Variants in HTT observed in about 807,000 individuals in gnomAD.
HTT encodes the protein huntington disease protein.
In HTT, 104 loss-of-function variants were observed where a neutral mutation model predicts 362.3. The ratio of observed to expected loss-of-function variants is 0.29; its 90% confidence interval spans 0.24 to 0.34. HTT has a LOEUF of 0.34. Ranked by LOEUF, HTT falls within the 10% of genes least tolerant of loss-of-function variation. The pLI is 1.00. For missense variants in HTT, 3,301 were observed against 3,928.6 expected (o/e 0.84, Z 4.27); for synonymous variants, 1,577 against 1,548.7 (o/e 1.02, Z -0.43).
intron 56 of HTT, among the ~76,000 whole-genome samples, chr4:3,224,639 C>T (rs1720826065): frequency 3.3e-5 from 5 of 152,214 alleles, no homozygotes; most frequent in Non-Finnish European, 7.3e-5. Flanking sequence ...GAGCTTGTCA[C>T]CTGGTTTAAA....
At chr4:3,158,785 C>A (rs1717295355) in intron 28 of HTT, among the ~76,000 whole-genome samples, 1 of 152,014 alleles carries the variant, frequency 6.6e-6, no homozygotes, top group Non-Finnish European at 1.5e-5. Context: ...CATGTCAGCT[C>A]CCAAAGCAGA....
At position 3,228,520 on chromosome 4, in the gene HTT, C is replaced by T. The variant is rs962604060; in HGVS notation, c.7849-95C>T. On this transcript the variant is annotated intron_variant, in intron 57 of 66. Transcript: ENST00000355072. The surrounding 1 kb of genome is among the most constrained non-coding windows in gnomAD (Gnocchi z 4.3). ...CCTTGCTAAGGGGCAGACTGTTAGA[C>T]GGTAGGCATGTGCTGAGTCCCAGTG... 21 of 1,383,528 alleles carry T rather than the reference C, an allele frequency of 1.5e-5. No homozygotes were observed. The highest frequency in any genetic ancestry group is 1.4e-4 in the South Asian group (9 of 66,248). 85.7% of individuals were successfully genotyped at this position (1,383,528 alleles called of 1,614,324 possible). A position where few individuals can be genotyped will look rare whatever the true frequency, so the allele number is the denominator to read the frequency against.
chr4:3,100,488 G>A (rs1179166109), intron 3 of HTT, among the ~76,000 whole-genome samples: 2 of 152,132 alleles, frequency 1.3e-5, no homozygotes, highest in Admixed American at 1.3e-4. Context: ...TGGAGCCATG[G>A]GATTCTAGCT....
chr4:3,115,061 G>C (rs7440822), intron 6 of HTT, among the ~76,000 whole-genome samples: 3,720 of 152,208 alleles, frequency 0.024, 157 homozygotes, highest in African/African-American at 0.085. Context: ...ATTGCGGAGA[G>C]GACATGGATG....
Position 3,166,764 on chromosome 4 carries a change from C to G in HTT, c.3865-5556C>G, listed in dbSNP as rs537055121. ...CTGAGCCAGGCACAGGAGAGAATCT[C>G]CTGGTCTGCTGGTTGTGAAGACTGT... On this transcript the variant is annotated intron_variant, in intron 29 of 66. Coordinates refer to ENST00000355072, the MANE Select transcript of HTT (RefSeq NM_001388492.1). Among the ~76,000 whole-genome samples the G allele has an allele frequency of 4.6e-5, 7 of 152,354 alleles. No homozygotes were observed. The East Asian group carries it at 1.4e-3, about 29-fold the overall frequency.
intron 29 of HTT, among the ~76,000 whole-genome samples, chr4:3,164,444 G>A (rs184691610): frequency 5.6e-4 from 86 of 152,266 alleles, no homozygotes; most frequent in Admixed American, 1.2e-3. Context: ...TATTAGGTCC[G>A]CTTGGTCCAG....
chr4:3,151,002 G>A (rs1450575684), intron 26 of HTT, among the ~76,000 whole-genome samples: 10 of 151,720 alleles, frequency 6.6e-5, no homozygotes, highest in Admixed American at 6.6e-4. Context: ...TTGTGCCATT[G>A]CACTCCAGCC....
At chr4:3,152,489 A>G (rs1164824354) in intron 26 of HTT, among the ~76,000 whole-genome samples, 1 of 152,216 alleles carries the variant, frequency 6.6e-6, no homozygotes, top group Non-Finnish European at 1.5e-5. Flanking sequence ...TTGTACAGCC[A>G]TCACCAGAAT....
At chr4:3,156,133 G>GT (rs916481152) in intron 27 of HTT, among the ~76,000 whole-genome samples, 8 of 151,850 alleles carry the variant, frequency 5.3e-5, no homozygotes, top group Middle Eastern at 3.4e-3. Flanking sequence ...CACATTCAAG[G>GT]TTTTTTTTGA....
At chr4:3,083,337 G>A (rs1449010826) in intron 1 of HTT, among the ~76,000 whole-genome samples, 2 of 152,054 alleles carry the variant, frequency 1.3e-5, no homozygotes, top group South Asian at 4.1e-4. Flanking sequence ...CAACATAGCA[G>A]CACCTATAAG....
rs1036799091 is a variant in HTT at position 3,243,101 on chromosome 4, C to T, written c.*3042C>T. The T allele has an allele frequency of 6.6e-6, 1 of 152,608 alleles. No homozygotes were observed. The highest frequency in any genetic ancestry group is 1.5e-5 in the Non-Finnish European group (1 of 68,034). 9.5% of individuals were successfully genotyped at this position (152,608 alleles called of 1,614,324 possible). On this transcript the variant is annotated 3_prime_UTR_variant, in exon 67 of 67. Transcript: ENST00000355072. ...GAGCCCTCGGAGCCAATGAACAGCT[C>T]CTCCTCTTGGAGCTGAGATGAGCCC... is the stretch of plus-strand genomic sequence containing the variant.
chr4:3,162,937 C>T (rs1369426573), intron 29 of HTT, among the ~76,000 whole-genome samples: 11 of 152,104 alleles, frequency 7.2e-5, no homozygotes, highest in Admixed American at 2.6e-4. Flanking sequence ...TGCCTGATTG[C>T]GCTGGCCAGA....
rs759627085 is a variant in HTT at position 3,136,245 on chromosome 4, G to A, written c.2717G>A (p.Arg906Gln). ...CTAAAGCTTTTAAAACTGCAAGAAC[G>A]AGTGCTCAATAATGTTGTCATCCAT... The part of the protein sequence containing the change: ...HYTGLLKLQE[R>Q]VLNNVVIHLL... The change falls in exon 21 of 67, where the codon CGA (arginine) becomes CAA (glutamine). Residue 906 changes from arginine to glutamine, a missense_variant. By Grantham distance (43) the Arg-to-Gln change is conservative. Transcript: ENST00000355072. 1.2e-5 allele frequency: 19 copies of A among 1,609,630 alleles called. No individual in the cohort carries two copies. The highest frequency in any genetic ancestry group is 3.3e-5 in the Admixed American group (2 of 59,886).
chr4:3,235,169 C>G, intron 61 of HTT, 115 bp from the exon 62 acceptor site: 1 of 752,720 alleles, frequency 1.3e-6, no homozygotes, highest in East Asian at 2.5e-5. Context: ...GTAGGCGCTC[C>G]CGGGAGCCCG....
In HTT at chr4:3,132,848, G is replaced by A; in HGVS notation, c.2430G>A (p.Leu810=). 6.2e-7 allele frequency: 1 copy of A among 1,614,166 alleles called. No individual in the cohort carries two copies. The highest frequency in any genetic ancestry group is 1.1e-5 in the South Asian group (1 of 91,088). Residue 810 remains leucine (L), a synonymous_variant, in exon 18 of 67, where the codon TTG becomes TTA. Transcript: ENST00000355072. ...NTFSLADCIP[L]LRKTLKDESS... Reference sequence around the variant, plus strand: ...TTTCTTTGGCGGATTGCATTCCTTTGCTGCGGAAAACACTGAAGGATGAGT... The same window carrying A: ...TTTCTTTGGCGGATTGCATTCCTTTACTGCGGAAAACACTGAAGGATGAGT...
At chr4:3,148,648 A>T (rs1716728977) in intron 26 of HTT, among the ~76,000 whole-genome samples, 1 of 152,188 alleles carries the variant, frequency 6.6e-6, no homozygotes, top group Non-Finnish European at 1.5e-5. Flanking sequence ...ATACAAAAAA[A>T]TTATCTGAGC....
At chr4:3,229,083 ACAC>A in intron 59 of HTT, 74 bp downstream of exon 59, 1 of 1,430,732 alleles carries the variant, frequency 7.0e-7, no homozygotes, top group South Asian at 1.2e-5. Flanking sequence ...CCCCACACAC[ACAC>A]ACCGCCCACA....
chr4:3,105,976 A>G lies in HTT; in HGVS notation c.608+540A>G, dbSNP rs574323204. Among the ~76,000 whole-genome samples the G allele has an allele frequency of 8.5e-5, 13 of 152,362 alleles. No homozygotes were observed. The South Asian group carries it at 1.7e-3, about 19-fold the overall frequency. ...GCTCCCTCCTTCTCCTTAACCAGCA[A>G]TACATGCTGATGCTGATATCCCATA... On this transcript the variant is annotated intron_variant, in intron 5 of 66. Coordinates refer to ENST00000355072, the MANE Select transcript of HTT (RefSeq NM_001388492.1).
At position 3,200,609 on chromosome 4, in the gene HTT, C is replaced by G. The variant is rs187443918; in HGVS notation, c.5576+670C>G. Among the ~76,000 whole-genome samples, 263 of 152,308 alleles carry G rather than the reference C, an allele frequency of 1.7e-3. 2 individuals carry two copies. The highest frequency in any genetic ancestry group is 3.0e-3 in the Admixed American group (46 of 15,298). ...CGCTGGGGAAAAGAAGTTCTGGAGA[C>G]AAAAGAGGGCAGGTGCTGCCGTGCC... is the stretch of plus-strand genomic sequence containing the variant. On this transcript the variant is annotated intron_variant, in intron 41 of 66. Coordinates refer to ENST00000355072, the MANE Select transcript of HTT (RefSeq NM_001388492.1).
Sources: allele counts gnomAD v4.1 joint callset (sites outside exome capture counted in the v4.1 genomes callset), GRCh38; gene constraint gnomAD v4.1.1; non-coding constraint Gnocchi (gnomAD v3.1); transcripts MANE v1.5; gene names NCBI Gene and HGNC (gene_info 2026-07-23, HGNC 2026-07-21).